The following SFT2D3 variants were observed in gnomAD, a reference collection of about 807,000 sequenced individuals.
SFT2D3 encodes vesicle transport protein SFT2C.
For missense variants in SFT2D3, 405 were observed against 334.6 expected, an observed-to-expected ratio of 1.21 and a Z score of -1.64; for synonymous variants, 239 against 191.2, an observed-to-expected ratio of 1.25 and a Z score of -2.06.
Position 127,704,047 on chromosome 2 carries a change from C to A in SFT2D3, c.*1871C>A, listed in dbSNP as rs940830594. On this transcript the variant is annotated 3_prime_UTR_variant, in exon 1 of 1. Transcript: ENST00000310981. Reference sequence around the variant, plus strand: ...GCTGAGGTGGGAAGATCACTTGAGCCCAGGAGGTTGAGGCTGCAGTGAACT... The same window carrying A: ...GCTGAGGTGGGAAGATCACTTGAGCACAGGAGGTTGAGGCTGCAGTGAACT... 1 of 166,278 alleles carries A rather than the reference C, an allele frequency of 6.0e-6. No homozygotes were observed. Among genetic ancestry groups the A allele is most frequent in the Non-Finnish European group, 1.5e-5 (1 of 68,094 alleles). The allele number at this position is 166,278 out of a possible 1,614,324, so 10.3% of individuals were successfully genotyped here.
In SFT2D3 at chr2:127,702,140, C is replaced by T. The variant is rs1450050845; in HGVS notation, c.612C>T (p.Gly204=). The change falls in exon 1 of 1, where the codon GGC becomes GGT. Residue 204 remains glycine (G), a synonymous_variant. Transcript: ENST00000310981. ...TGCGCCTCGCACTGGGTCGCCTGGGCCGCGGCGCCGGCCTCGCCAAGGTGC... is the reference window on the plus strand; with the variant it reads ...TGCGCCTCGCACTGGGTCGCCTGGGTCGCGGCGCCGGCCTCGCCAAGGTGC... ...TALRLALGRL[G]RGAGLAKVLP... is the part of the protein sequence containing the mutation. The T allele has an allele frequency of 8.2e-7, 1 of 1,215,500 alleles. No individual in the cohort carries two copies. 75.3% of individuals were successfully genotyped at this position (1,215,500 alleles called of 1,614,324 possible).
In SFT2D3 at chr2:127,703,944, C is replaced by T. The variant is rs1685953449; in HGVS notation, c.*1768C>T. The T allele has an allele frequency of 6.0e-6, 1 of 166,696 alleles. No homozygotes were observed. The highest frequency in any genetic ancestry group is 1.5e-5 in the Non-Finnish European group (1 of 68,098). 10.3% of individuals were successfully genotyped at this position (166,696 alleles called of 1,614,324 possible). On this transcript the variant is annotated 3_prime_UTR_variant, in exon 1 of 1. Coordinates refer to ENST00000310981, the MANE Select transcript of SFT2D3 (RefSeq NM_032740.4). ...ACCAGCCTGGGCAACACAGTTAAAC[C>T]CCATCGCCACAGAAAATCTTCAAAA...
At position 127,701,870 on chromosome 2, in the gene SFT2D3, G is replaced by C; in HGVS notation, c.342G>C (p.Leu114=). The C allele has an allele frequency of 6.8e-7, 1 of 1,460,390 alleles. No homozygotes were observed. The allele number at this position is 1,460,390 out of a possible 1,614,324, so 90.5% of individuals were successfully genotyped here. A position where few individuals can be genotyped will look rare whatever the true frequency, so the allele number is the denominator to read the frequency against. The change falls in exon 1 of 1, where the codon CTG becomes CTC. Residue 114 remains leucine (L), a synonymous_variant. Coordinates refer to ENST00000310981, the MANE Select transcript of SFT2D3 (RefSeq NM_032740.4). ...RARKFALLWS[L]GSALALAGSA... ...GCAAGTTCGCGCTGCTCTGGTCACT[G>C]GGCTCGGCGCTGGCGTTGGCGGGAA... is the stretch of plus-strand genomic sequence containing the variant.
rs1345175865 is a variant in SFT2D3 at position 127,702,106 on chromosome 2, G to A, written c.578G>A (p.Gly193Asp). The part of the protein sequence containing the change: ...ALVGLLPWGG[G>D]TALRLALGRL... Reference sequence around the variant, plus strand: ...GTTGGGCTGCTGCCCTGGGGCGGCGGCACCGCGCTGCGCCTCGCACTGGGT... The same window carrying A: ...GTTGGGCTGCTGCCCTGGGGCGGCGACACCGCGCTGCGCCTCGCACTGGGT... The change falls in exon 1 of 1, where the codon GGC (glycine) becomes GAC (aspartate). Residue 193 changes from glycine (G) to aspartate (D), a missense_variant. Gly to Asp is a moderately conservative substitution (Grantham distance 94, BLOSUM62 -1). Coordinates refer to ENST00000310981, the MANE Select transcript of SFT2D3 (RefSeq NM_032740.4). 1 of 1,216,928 alleles carries A rather than the reference G, an allele frequency of 8.2e-7. No individual in the cohort carries two copies. Among genetic ancestry groups the A allele is most frequent in the Non-Finnish European group, 1.0e-6 (1 of 980,672 alleles). The allele number at this position is 1,216,928 out of a possible 1,614,324, so 75.4% of individuals were successfully genotyped here.
Position 127,701,989 on chromosome 2 carries a change from G to A in SFT2D3, c.461G>A (p.Gly154Asp). Residue 154 changes from glycine to aspartate, a missense_variant, in exon 1 of 1, where the codon GGC becomes GAC. Coordinates refer to ENST00000310981, the MANE Select transcript of SFT2D3 (RefSeq NM_032740.4). ...GCGCTGCTCTACATGGCAGCGCTGG[G>A]CGCCACGCTGTTCGCCGCGCTGGGC... ...RPALLYMAAL[G>D]ATLFAALGLR... 7.5e-7 allele frequency: 1 copy of A among 1,341,472 alleles called. No homozygotes were observed. Among genetic ancestry groups the A allele is most frequent in the Non-Finnish European group, 9.5e-7 (1 of 1,049,690 alleles). The allele number at this position is 1,341,472 out of a possible 1,614,324, so 83.1% of individuals were successfully genotyped here.
At position 127,701,682 on chromosome 2, in the gene SFT2D3, A is replaced by C; in HGVS notation, c.154A>C (p.Thr52Pro). 7.7e-7 allele frequency: 1 copy of C among 1,299,334 alleles called. No homozygotes were observed. Among genetic ancestry groups the C allele is most frequent in the Non-Finnish European group, 9.7e-7 (1 of 1,029,398 alleles). 80.5% of individuals were successfully genotyped at this position (1,299,334 alleles called of 1,614,324 possible). A position where few individuals can be genotyped will look rare whatever the true frequency, so the allele number is the denominator to read the frequency against. ...EWLGRAGLRWTWARSPAESAA... is the reference protein window; with the variant it reads ...EWLGRAGLRWPWARSPAESAA... ...GCTGGGCCGCGCGGGCTTGCGCTGGACGTGGGCGCGGAGCCCTGCGGAGTC... is the reference window on the plus strand; with the variant it reads ...GCTGGGCCGCGCGGGCTTGCGCTGGCCGTGGGCGCGGAGCCCTGCGGAGTC... The change falls in exon 1 of 1, where the codon ACG becomes CCG. Residue 52 changes from threonine to proline, a missense_variant. Physicochemically the swap from Thr to Pro is conservative, Grantham distance 38 (BLOSUM62 -1). Transcript: ENST00000310981.
chr2:127,702,045 G>C lies in SFT2D3; in HGVS notation c.517G>C (p.Ala173Pro). ...LRSTLLTVLG[A>P]GAQVAALLAA... is the part of the protein sequence containing the mutation. ...CAGCACGCTGCTCACGGTGCTGGGC[G>C]CGGGCGCGCAGGTGGCCGCGCTGCT... Residue 173 changes from alanine to proline, a missense_variant, in exon 1 of 1, where the codon GCG becomes CCG. By Grantham distance (27) the Ala-to-Pro change is conservative (BLOSUM62 -1). Coordinates refer to ENST00000310981, the MANE Select transcript of SFT2D3 (RefSeq NM_032740.4). 1 of 1,232,368 alleles carries C rather than the reference G, an allele frequency of 8.1e-7. No individual in the cohort carries two copies. Among genetic ancestry groups the C allele is most frequent in the South Asian group, 3.3e-5 (1 of 30,512 alleles). 76.3% of individuals were successfully genotyped at this position (1,232,368 alleles called of 1,614,324 possible).
rs767724864 is a variant in SFT2D3, at chr2:127,701,519, C to G, written c.-10C>G. ...CGCAGCTTTTCCTTTCTGCCACCGC[C>G]TTGTCCAAGATGGCGGACCTCCACC... On this transcript the variant is annotated 5_prime_UTR_variant, in exon 1 of 1. Coordinates refer to ENST00000310981, the MANE Select transcript of SFT2D3 (RefSeq NM_032740.4). 6 of 1,305,552 alleles carry G rather than the reference C, an allele frequency of 4.6e-6. No individual in the cohort carries two copies. The South Asian group carries it at 1.2e-4, about 26-fold the overall frequency. The allele number at this position is 1,305,552 out of a possible 1,614,324, so 80.9% of individuals were successfully genotyped here.
In SFT2D3 at chr2:127,702,080, G is replaced by A; in HGVS notation, c.552G>A (p.Leu184=). ...GAQVAALLAA[L]VGLLPWGGGT... ...AGGTGGCCGCGCTGCTGGCCGCGCT[G>A]GTTGGGCTGCTGCCCTGGGGCGGCG... Residue 184 remains leucine, a synonymous_variant, in exon 1 of 1, where the codon CTG becomes CTA. Coordinates refer to ENST00000310981, the MANE Select transcript of SFT2D3 (RefSeq NM_032740.4). The A allele has an allele frequency of 1.6e-6, 2 of 1,225,322 alleles. No individual in the cohort carries two copies. The highest frequency in any genetic ancestry group is 2.0e-6 in the Non-Finnish European group (2 of 985,870). 75.9% of individuals were successfully genotyped at this position (1,225,322 alleles called of 1,614,324 possible).
rs1685962025 is a variant in SFT2D3, at chr2:127,704,307, T to G, written c.*2131T>G. ...TGTGATCTGTCAAGTCCAGTAGAGC[T>G]TCAAGGTAAAATGAAAATTTTTAAA... On this transcript the variant is annotated 3_prime_UTR_variant, in exon 1 of 1. Coordinates refer to ENST00000310981, the MANE Select transcript of SFT2D3 (RefSeq NM_032740.4). 1 of 166,908 alleles carries G rather than the reference T, an allele frequency of 6.0e-6. No individual in the cohort carries two copies. Among genetic ancestry groups the G allele is most frequent in the Non-Finnish European group, 1.5e-5 (1 of 68,086 alleles). The allele number at this position is 166,908 out of a possible 1,614,324, so 10.3% of individuals were successfully genotyped here.
Position 127,702,689 on chromosome 2 carries a change from T to C in SFT2D3, c.*513T>C, listed in dbSNP as rs1405003571. 1 of 167,132 alleles carries C rather than the reference T, an allele frequency of 6.0e-6. No homozygotes were observed. The highest frequency in any genetic ancestry group is 2.4e-5 in the African/African-American group (1 of 41,472). The allele number at this position is 167,132 out of a possible 1,614,324, so 10.4% of individuals were successfully genotyped here. On this transcript the variant is annotated 3_prime_UTR_variant, in exon 1 of 1. Transcript: ENST00000310981. ...CAGATTAAACACCGAATTCAGCCAC[T>C]GGACTTTTAAAAGTACTTAAGATGG...
chr2:127,702,331 A>T lies in SFT2D3; in HGVS notation c.*155A>T, dbSNP rs539278146. ...GTCTAATCCGGGAGCGGCTGCTGCC[A>T]GCGGAGGCGACAGCAGCGTTGGGAG... On this transcript the variant is annotated 3_prime_UTR_variant, in exon 1 of 1. Transcript: ENST00000310981. 2.6e-6 allele frequency: 2 copies of T among 755,346 alleles called. No individual in the cohort carries two copies. The highest frequency in any genetic ancestry group is 3.5e-6 in the Non-Finnish European group (2 of 563,444). 46.8% of individuals were successfully genotyped at this position (755,346 alleles called of 1,614,324 possible). A position where few individuals can be genotyped will look rare whatever the true frequency, so the allele number is the denominator to read the frequency against.
chr2:127,702,169 C>T lies in SFT2D3; in HGVS notation c.641C>T (p.Pro214Leu), dbSNP rs1167193917. 3 of 1,214,326 alleles carry T rather than the reference C, an allele frequency of 2.5e-6. No individual in the cohort carries two copies. Among genetic ancestry groups the T allele is most frequent in the East Asian group, 3.3e-5 (1 of 29,944 alleles). 75.2% of individuals were successfully genotyped at this position (1,214,326 alleles called of 1,614,324 possible). A position where few individuals can be genotyped will look rare whatever the true frequency, so the allele number is the denominator to read the frequency against. The change falls in exon 1 of 1, where the codon CCC becomes CTC. Residue 214 changes from proline (P) to leucine (L), a missense_variant. Coordinates refer to ENST00000310981, the MANE Select transcript of SFT2D3 (RefSeq NM_032740.4). ...GGCGCCGGCCTCGCCAAGGTGCTGC[C>T]CGTGTGAGGACCTCGCGCCCTCGCC... ...GRGAGLAKVL[P>L]V
rs1240574589 is a variant in SFT2D3, at chr2:127,701,942, C to T, written c.414C>T (p.Cys138=). 3.3e-5 allele frequency: 47 copies of T among 1,416,002 alleles called. No individual in the cohort carries two copies. The highest frequency in any genetic ancestry group is 7.6e-5 in the African/African-American group (5 of 65,968). 87.7% of individuals were successfully genotyped at this position (1,416,002 alleles called of 1,614,324 possible). ...GGAACGRLLR[C]EEAPSRPALL... Reference sequence around the variant, plus strand: ...CGGCGTGCGGACGCCTGCTGCGCTGCGAAGAAGCGCCGTCCCGGCCCGCGC... The same window carrying T: ...CGGCGTGCGGACGCCTGCTGCGCTGTGAAGAAGCGCCGTCCCGGCCCGCGC... The change falls in exon 1 of 1, where the codon TGC becomes TGT. Residue 138 remains cysteine (C), a synonymous_variant. Coordinates refer to ENST00000310981, the MANE Select transcript of SFT2D3 (RefSeq NM_032740.4).
rs1685879052 is a variant in SFT2D3 at position 127,701,571 on chromosome 2, G to A, written c.43G>A (p.Gly15Arg). The A allele has an allele frequency of 7.3e-7, 1 of 1,366,278 alleles. No homozygotes were observed. The highest frequency in any genetic ancestry group is 9.4e-7 in the Non-Finnish European group (1 of 1,058,562). 84.6% of individuals were successfully genotyped at this position (1,366,278 alleles called of 1,614,324 possible). ...CCAGCTGCAGGAGTACCTGGCGCAG[G>A]GGAAAGCTGGCGGCCCGGCGGCCGC... ...HRQLQEYLAQ[G>R]KAGGPAAAEP... Residue 15 changes from glycine to arginine, a missense_variant, in exon 1 of 1, where the codon GGG (glycine) becomes AGG (arginine). Gly to Arg is a moderately radical substitution (Grantham distance 125). Transcript: ENST00000310981.
At position 127,702,268 on chromosome 2, in the gene SFT2D3, GAA is replaced by G. The variant is rs946773251; in HGVS notation, c.*93_*94del. 2.7e-5 allele frequency: 31 copies of G among 1,129,620 alleles called. No homozygotes were observed. The African/African-American group carries it at 4.8e-4, about 17-fold the overall frequency. 70.0% of individuals were successfully genotyped at this position (1,129,620 alleles called of 1,614,324 possible). On this transcript the variant is annotated 3_prime_UTR_variant, in exon 1 of 1. Transcript: ENST00000310981. Reference sequence around the variant, plus strand: ...GCTGAGGACTGCACGCCGCTGTGCGGAAGCCCGTGGCGAAGGCCCTGCCCTAA... The same window carrying G: ...GCTGAGGACTGCACGCCGCTGTGCGGGCCCGTGGCGAAGGCCCTGCCCTAA...
Position 127,703,026 on chromosome 2 carries a change from G to A in SFT2D3, c.*850G>A, listed in dbSNP as rs1010309651. 1.8e-5 allele frequency: 3 copies of A among 167,024 alleles called. No homozygotes were observed. The highest frequency in any genetic ancestry group is 6.5e-5 in the Admixed American group (1 of 15,288). The allele number at this position is 167,024 out of a possible 1,614,324, so 10.3% of individuals were successfully genotyped here. ...TTTACAATTTGCAGGCTGATCTTAA[G>A]ATTTTTTTATATCTAATTGCTGCTG... On this transcript the variant is annotated 3_prime_UTR_variant, in exon 1 of 1. Transcript: ENST00000310981.
In SFT2D3 at chr2:127,702,113, G is replaced by T; in HGVS notation, c.585G>T (p.Ala195=). Residue 195 remains alanine (A), a synonymous_variant, in exon 1 of 1, where the codon GCG becomes GCT. Coordinates refer to ENST00000310981, the MANE Select transcript of SFT2D3 (RefSeq NM_032740.4). ...VGLLPWGGGT[A]LRLALGRLGR... ...TGCTGCCCTGGGGCGGCGGCACCGC[G>T]CTGCGCCTCGCACTGGGTCGCCTGG... The T allele has an allele frequency of 8.2e-7, 1 of 1,217,876 alleles. No homozygotes were observed. Among genetic ancestry groups the T allele is most frequent in the Non-Finnish European group, 1.0e-6 (1 of 980,982 alleles). The allele number at this position is 1,217,876 out of a possible 1,614,324, so 75.4% of individuals were successfully genotyped here.
chr2:127,702,063 G>A lies in SFT2D3; in HGVS notation c.535G>A (p.Ala179Thr). ...GCTGGGCGCGGGCGCGCAGGTGGCCGCGCTGCTGGCCGCGCTGGTTGGGCT... is the reference window on the plus strand; with the variant it reads ...GCTGGGCGCGGGCGCGCAGGTGGCCACGCTGCTGGCCGCGCTGGTTGGGCT... ...TVLGAGAQVA[A>T]LLAALVGLLP... is the part of the protein sequence containing the mutation. The change falls in exon 1 of 1, where the codon GCG becomes ACG. Residue 179 changes from alanine to threonine, a missense_variant. Transcript: ENST00000310981. The A allele has an allele frequency of 8.3e-7, 1 of 1,209,186 alleles. No homozygotes were observed. The highest frequency in any genetic ancestry group is 1.0e-6 in the Non-Finnish European group (1 of 972,170). 74.9% of individuals were successfully genotyped at this position (1,209,186 alleles called of 1,614,324 possible). A position where few individuals can be genotyped will look rare whatever the true frequency, so the allele number is the denominator to read the frequency against.
Sources: allele counts gnomAD v4.1 joint callset, GRCh38; gene constraint gnomAD v4.1.1; transcripts MANE v1.5; gene names NCBI Gene and HGNC (gene_info 2026-07-23, HGNC 2026-07-21).